Variants in GRK3 observed in about 807,000 individuals in gnomAD.
The protein encoded by GRK3 is G protein-coupled receptor kinase 3, also known as adrenergic, beta, receptor kinase 2.
GRK3 carries 54 observed loss-of-function variants against 95.7 expected under a neutral mutation model. That is an observed-to-expected ratio of 0.56 (90% confidence interval 0.45 to 0.71). The LOEUF (loss-of-function observed/expected upper bound fraction) is 0.71. Among genes scored for constraint, GRK3 ranks in the 30% least tolerant of loss-of-function variants. The probability of loss-of-function intolerance (pLI) is 0.00; values close to 1 mark genes in which losing one functional copy is unlikely to be tolerated. For synonymous variants in GRK3, 281 were observed against 290.8 expected (o/e 0.97, Z 0.34); for missense variants, 649 against 851.2 (o/e 0.76, Z 2.96).
intron 1 of GRK3, among the ~76,000 whole-genome samples, chr22:25,569,813 T>G (rs1029516809): frequency 2.0e-5 from 3 of 152,214 alleles, no homozygotes; most frequent in African/African-American, 7.2e-5. Flanking sequence ...GTCAGGCAGT[T>G]GGCATAATTA....
chr22:25,643,452 T>C (rs1260448939), intron 2 of GRK3, among the ~76,000 whole-genome samples: 1 of 152,256 alleles, frequency 6.6e-6, no homozygotes, highest in Non-Finnish European at 1.5e-5. Context: ...CTTATGCTAA[T>C]GTTAATTAAA....
chr22:25,708,881 C>T (rs987960071), intron 15 of GRK3, among the ~76,000 whole-genome samples: 1 of 151,436 alleles, frequency 6.6e-6, no homozygotes, highest in South Asian at 2.1e-4. Flanking sequence ...AGACTGGTCT[C>T]GATCTCCTGA....
At chr22:25,602,330 G>A (rs934116858) in intron 1 of GRK3, among the ~76,000 whole-genome samples, 24 of 152,186 alleles carry the variant, frequency 1.6e-4, no homozygotes, top group African/African-American at 5.1e-4. Flanking sequence ...CCCAAGTGTT[G>A]ACAAGGATGT....
At chr22:25,657,640 A>C (rs1055440882) in intron 3 of GRK3, among the ~76,000 whole-genome samples, 1 of 152,084 alleles carries the variant, frequency 6.6e-6, no homozygotes, top group Non-Finnish European at 1.5e-5. Context: ...TTTTTAGTGA[A>C]GTAATTTTAG....
chr22:25,687,040 G>A (rs546289454), intron 10 of GRK3, among the ~76,000 whole-genome samples: 3 of 152,124 alleles, frequency 2.0e-5, no homozygotes, highest in East Asian at 3.9e-4. Flanking sequence ...GGCTGGTCTC[G>A]AACTCCTGAC....
At chr22:25,613,867 G>A (rs1367447594) in intron 2 of GRK3, among the ~76,000 whole-genome samples, 6 of 151,578 alleles carry the variant, frequency 4.0e-5, no homozygotes, top group African/African-American at 1.5e-4. Context: ...AAAAAGAGGA[G>A]AAAAAGGCTA....
chr22:25,701,536 T>C (rs1177195842), intron 13 of GRK3, among the ~76,000 whole-genome samples: 2 of 152,222 alleles, frequency 1.3e-5, no homozygotes, highest in Non-Finnish European at 2.9e-5. Context: ...GGGGCCCATG[T>C]GCTGGAAATG....
intron 2 of GRK3, among the ~76,000 whole-genome samples, chr22:25,629,342 A>T (rs1005904802): frequency 6.6e-6 from 1 of 152,202 alleles, no homozygotes; most frequent in African/African-American, 2.4e-5. Context: ...GGCTGCCGAG[A>T]TGGAAGGAGT....
At chr22:25,698,044 G>T (rs1231215694) in intron 13 of GRK3, among the ~76,000 whole-genome samples, 2 of 151,308 alleles carry the variant, frequency 1.3e-5, no homozygotes, top group East Asian at 2.0e-4. Flanking sequence ...TGCTGTGGGG[G>T]AAGGAAAGGA....
intron 13 of GRK3, among the ~76,000 whole-genome samples, chr22:25,701,832 A>T (rs1352360609): frequency 4.6e-5 from 7 of 152,244 alleles, no homozygotes; most frequent in Admixed American, 3.9e-4. Context: ...AGGTTTTCAT[A>T]AGATTTGATA....
intron 1 of GRK3, among the ~76,000 whole-genome samples, chr22:25,594,835 C>T (rs1178761417): frequency 9.9e-5 from 15 of 151,782 alleles, no homozygotes; most frequent in Non-Finnish European, 2.9e-5. Context: ...GCTGAGATCG[C>T]GCCACTGCAC....
At chr22:25,571,771 C>T (rs1450627687) in intron 1 of GRK3, among the ~76,000 whole-genome samples, 1 of 152,018 alleles carries the variant, frequency 6.6e-6, no homozygotes, top group Non-Finnish European at 1.5e-5. Context: ...AGGTTGATTG[C>T]CCAGATTTCT....
chr22:25,618,722 A>ATTTT (rs5844650), intron 2 of GRK3, among the ~76,000 whole-genome samples: 1 of 136,220 alleles, frequency 7.3e-6, no homozygotes, highest in African/African-American at 2.7e-5. Flanking sequence ...GTACCTCTTC[A>ATTTT]TTTTTTTTTT....
At chr22:25,717,609 A>C (rs2085397105) in intron 18 of GRK3, among the ~76,000 whole-genome samples, 1 of 152,194 alleles carries the variant, frequency 6.6e-6, no homozygotes, top group Non-Finnish European at 1.5e-5. Context: ...TAGGACAATC[A>C]CCAAAGCCTT....
chr22:25,602,003 C>G (rs1288730105), intron 1 of GRK3, among the ~76,000 whole-genome samples: 1 of 152,184 alleles, frequency 6.6e-6, no homozygotes, highest in East Asian at 1.9e-4. Flanking sequence ...AGCACCTCTG[C>G]TCTAAGAAGG....
chr22:25,710,572 G>C (rs958946393), intron 16 of GRK3, among the ~76,000 whole-genome samples: 6 of 152,218 alleles, frequency 3.9e-5, no homozygotes, highest in Non-Finnish European at 7.3e-5. Flanking sequence ...AACTCAAGCT[G>C]CAGAGAAATG....
chr22:25,634,263 T>C (rs1229467033), intron 2 of GRK3, among the ~76,000 whole-genome samples: 1 of 152,232 alleles, frequency 6.6e-6, no homozygotes, highest in African/African-American at 2.4e-5. Context: ...ATGCAAGGTC[T>C]AACATGTAAT....
intron 17 of GRK3, among the ~76,000 whole-genome samples, chr22:25,713,814 C>T (rs1262091483): frequency 6.6e-6 from 1 of 152,188 alleles, no homozygotes; most frequent in Non-Finnish European, 1.5e-5. Flanking sequence ...TTAAAGGCTC[C>T]ATTGCCTGAA....
At chr22:25,664,700 T>C (rs1351419586) in intron 5 of GRK3, among the ~76,000 whole-genome samples, 2 of 152,056 alleles carry the variant, frequency 1.3e-5, no homozygotes, top group Non-Finnish European at 2.9e-5. Flanking sequence ...TTTGTATTTT[T>C]AGTAGAGACG....
Sources: allele counts gnomAD v4.1 joint callset (sites outside exome capture counted in the v4.1 genomes callset), GRCh38; gene constraint gnomAD v4.1.1; transcripts MANE v1.5; gene names NCBI Gene and HGNC (gene_info 2026-07-23, HGNC 2026-07-21).